Variants in NELL2 observed in about 807,000 individuals in gnomAD.
The protein encoded by NELL2 is neural EGFL like 2, also known as protein kinase C-binding protein NELL2.
In NELL2, 41 loss-of-function variants were observed where a neutral mutation model predicts 109.6. The ratio of observed to expected loss-of-function variants is 0.37; its 90% CI spans 0.29 to 0.49. The LOEUF (loss-of-function observed/expected upper bound fraction) is 0.49. Among genes scored for constraint, NELL2 ranks in the 20% least tolerant of loss-of-function variants. The pLI is 0.98. For synonymous variants in NELL2, 355 were observed against 344.7 expected (o/e 1.03, Z -0.33); for missense variants, 900 against 1,008.3 (o/e 0.89, Z 1.45).
intron 9 of NELL2, among the ~76,000 whole-genome samples, chr12:44,717,673 T>C (rs938352805): frequency 3.3e-5 from 5 of 152,160 alleles, no homozygotes; most frequent in Non-Finnish European, 7.3e-5. Flanking sequence ...ATGGTTTTAC[T>C]AGAGTCCAGT....
At chr12:44,586,202 T>G (rs1944491476) in intron 15 of NELL2, among the ~76,000 whole-genome samples, 1 of 148,472 alleles carries the variant, frequency 6.7e-6, no homozygotes, top group South Asian at 2.1e-4. Context: ...TATACATATA[T>G]TTATATATAT....
At position 44,534,767 on chromosome 12, in the gene NELL2, G is replaced by A. The variant is rs943437118; in HGVS notation, c.1664-2046C>T. ...ATATGGGGGATGGTTAGAGTCATTC[G>A]TTTTAGAAGAATTTGGTCACTAGGG... On this transcript the variant is annotated intron_variant, in intron 15 of 19. Coordinates refer to ENST00000429094, the MANE Select transcript of NELL2 (RefSeq NM_001145108.2). 1.6e-4 allele frequency among the ~76,000 whole-genome samples: 25 copies of A among 152,182 alleles called. 1 individual carries two copies. In the East Asian group the frequency reaches 2.9e-3, roughly 18 times the overall value.
chr12:44,607,317 A>T (rs1165841573), intron 14 of NELL2, 53 bp from the exon 15 acceptor site: 1 of 1,414,514 alleles, frequency 7.1e-7, no homozygotes, highest in African/African-American at 1.4e-5. Flanking sequence ...GTAGTTTAAT[A>T]AACTCCAAAC....
intron 3 of NELL2, among the ~76,000 whole-genome samples, chr12:44,798,285 T>C (rs191447763): frequency 7.9e-5 from 12 of 152,022 alleles, no homozygotes; most frequent in Admixed American, 7.9e-4. Context: ...TTTTTATTGG[T>C]GGACAACATG....
intron 9 of NELL2, among the ~76,000 whole-genome samples, chr12:44,738,719 T>A (rs2136490583): frequency 6.6e-6 from 1 of 152,278 alleles, no homozygotes; most frequent in Admixed American, 6.5e-5. Context: ...AGTTATATGA[T>A]GAATAAGTTC....
At chr12:44,710,146 C>T (rs1938117329) in intron 11 of NELL2, among the ~76,000 whole-genome samples, 1 of 152,136 alleles carries the variant, frequency 6.6e-6, no homozygotes, top group Admixed American at 6.6e-5. Context: ...AACCAAACTG[C>T]ACCACCCTGC....
intron 15 of NELL2, among the ~76,000 whole-genome samples, chr12:44,585,715 T>C (rs1275659327): frequency 6.6e-6 from 1 of 150,952 alleles, no homozygotes; most frequent in Admixed American, 6.6e-5. Context: ...TTTGCATGGG[T>C]ATATAAAATA....
chr12:44,858,913 G>A (rs1214360487), intron 2 of NELL2, among the ~76,000 whole-genome samples: 2 of 152,070 alleles, frequency 1.3e-5, no homozygotes, highest in South Asian at 2.1e-4. Flanking sequence ...CACATTCAAG[G>A]ATTAAGAGAG....
At chr12:44,545,297 A>C (rs1296338604) in intron 15 of NELL2, among the ~76,000 whole-genome samples, 1 of 152,072 alleles carries the variant, frequency 6.6e-6, no homozygotes, top group Admixed American at 6.6e-5. Flanking sequence ...TATTCATGTT[A>C]AGTATTTGAA....
At chr12:44,619,215 T>C (rs75445971) in intron 13 of NELL2, among the ~76,000 whole-genome samples, 1 of 152,020 alleles carries the variant, frequency 6.6e-6, no homozygotes, top group Non-Finnish European at 1.5e-5. Flanking sequence ...GTGCACAAGA[T>C]AAAAGCATGG....
intron 1 of NELL2, among the ~76,000 whole-genome samples, chr12:44,906,613 A>G (rs899013866): frequency 6.6e-6 from 1 of 151,994 alleles, no homozygotes; most frequent in African/African-American, 2.4e-5. Context: ...GATATGAGAG[A>G]AAAAGAGGAA....
chr12:44,657,041 G>A (rs977817016), intron 13 of NELL2, among the ~76,000 whole-genome samples: 3 of 152,090 alleles, frequency 2.0e-5, no homozygotes, highest in African/African-American at 4.8e-5. Context: ...TTGAGAAAGG[G>A]GCATGCATGG....
chr12:44,562,046 A>T (rs927707236), intron 15 of NELL2, among the ~76,000 whole-genome samples: 16 of 152,216 alleles, frequency 1.1e-4, no homozygotes, highest in African/African-American at 3.4e-4. Flanking sequence ...GACAAACTTG[A>T]CAAAAACAAG....
chr12:44,563,312 ATAAAAAAAAAT>A (rs1943540073), intron 15 of NELL2, among the ~76,000 whole-genome samples: 1 of 152,100 alleles, frequency 6.6e-6, no homozygotes, highest in African/African-American at 2.4e-5. Flanking sequence ...TTAAAGTATA[ATAAAAAAAAAT>A]TAAAAAAAAA....
intron 2 of NELL2, among the ~76,000 whole-genome samples, chr12:44,862,364 A>G (rs1944868183): frequency 6.6e-6 from 1 of 152,210 alleles, no homozygotes; most frequent in Admixed American, 6.5e-5. Flanking sequence ...AAAATATAGT[A>G]ATTCTCAATT....
chr12:44,676,984 T>A (rs112655291), intron 12 of NELL2, among the ~76,000 whole-genome samples: 1 of 152,056 alleles, frequency 6.6e-6, no homozygotes, highest in African/African-American at 2.4e-5. Context: ...CTAGTAATTT[T>A]AAAAAATGGA....
intron 2 of NELL2, among the ~76,000 whole-genome samples, chr12:44,824,009 T>A (rs1257659415): frequency 6.6e-6 from 1 of 152,240 alleles, no homozygotes; most frequent in Admixed American, 6.5e-5. Flanking sequence ...TTTTTTCACA[T>A]ACATTTTGAC....
intron 13 of NELL2, among the ~76,000 whole-genome samples, chr12:44,639,413 G>A (rs560667582): frequency 5.9e-5 from 9 of 152,168 alleles, no homozygotes; most frequent in East Asian, 1.9e-4. Flanking sequence ...CACCCGCAGC[G>A]CACTCATAAA....
chr12:44,581,471 A>T (rs969080942), intron 15 of NELL2, among the ~76,000 whole-genome samples: 1 of 152,192 alleles, frequency 6.6e-6, no homozygotes, highest in Non-Finnish European at 1.5e-5. Context: ...AGTTGCTTAA[A>T]CACCAACAAT....
Sources: allele counts gnomAD v4.1 joint callset (sites outside exome capture counted in the v4.1 genomes callset), GRCh38; gene constraint gnomAD v4.1.1; transcripts MANE v1.5; gene names NCBI Gene and HGNC (gene_info 2026-07-23, HGNC 2026-07-21).